The following PIMREG variants were observed in gnomAD, a reference collection of about 807,000 sequenced individuals.
PIMREG encodes the protein PICALM interacting mitotic regulator, also known as protein PIMREG.
PIMREG carries 19 observed loss-of-function variants against 24.3 expected under a neutral mutation model. The ratio of observed to expected loss-of-function variants is 0.78; its 90% CI spans 0.54 to 1.15. The LOEUF (loss-of-function observed/expected upper bound fraction) is 1.15, where lower values mean the gene tolerates loss of function less well. PIMREG is among the 50% of genes most tolerant of loss of function. The pLI is 0.00. For synonymous variants in PIMREG, 112 were observed against 124.1 expected (o/e 0.90, Z 0.65); for missense variants, 283 against 306.8 (o/e 0.92, Z 0.58).
intron 2 of PIMREG, among the ~76,000 whole-genome samples, 157 bp downstream of exon 2, chr17:6,445,561 C>T (rs187379285): frequency 3.9e-5 from 6 of 152,276 alleles, no homozygotes; most frequent in Admixed American, 2.6e-4. Context: ...GTTCCTGGCA[C>T]ATATAGGTGC....
intron 3 of PIMREG, among the ~76,000 whole-genome samples, chr17:6,448,301 A>AAAAAAAAAAAAAAAG (rs1259419657): frequency 8.0e-5 from 12 of 149,214 alleles, no homozygotes; most frequent in South Asian, 2.1e-4. Flanking sequence ...AAAAAAAAAA[A>AAAAAAAAAAAAAAAG]AGAGAGAGAG....
chr17:6,447,383 T>C lies in PIMREG; in HGVS notation c.295-80T>C, dbSNP rs1913618822. 7 of 1,487,928 alleles carry C rather than the reference T, an allele frequency of 4.7e-6. No individual in the cohort carries two copies. In the Admixed American group the frequency reaches 1.3e-4, roughly 28 times the overall value. The allele number at this position is 1,487,928 out of a possible 1,614,324, so 92.2% of individuals were successfully genotyped here. On this transcript the variant is annotated intron_variant, in intron 2 of 5. Transcript: ENST00000572447. ...TGCCTGCCTCGGCCTCCCAAAGTAC[T>C]GGGATTATAGGCGTGAGCCACCGCG...
In PIMREG at chr17:6,448,910, T is replaced by C. The variant is rs76983599; in HGVS notation, c.591-402T>C. ...AAAAATACTCTCCACATCTGTATTC[T>C]GACCCGGTTCCGCGTCCAGAGCCAG... On this transcript the variant is annotated intron_variant, in intron 3 of 5. Coordinates refer to ENST00000572447, the MANE Select transcript of PIMREG (RefSeq NM_019013.3). 3.9e-4 allele frequency among the ~76,000 whole-genome samples: 60 copies of C among 152,370 alleles called. No individual in the cohort carries two copies. The East Asian group carries it at 0.01, about 25-fold the overall frequency.
rs1913823393 is a variant in PIMREG at position 6,451,349 on chromosome 17, T to C, written c.*1002T>C. 6.6e-6 allele frequency: 1 copy of C among 152,246 alleles called. No individual in the cohort carries two copies. Among genetic ancestry groups the C allele is most frequent in the African/African-American group, 2.4e-5 (1 of 41,458 alleles). The allele number at this position is 152,246 out of a possible 1,614,324, so 9.4% of individuals were successfully genotyped here. On this transcript the variant is annotated 3_prime_UTR_variant, in exon 6 of 6. Coordinates refer to ENST00000572447, the MANE Select transcript of PIMREG (RefSeq NM_019013.3). ...CAAAATCAAGACCCAGTTGTAAAAA[T>C]CTTTTAACTCCATAATGCTGTTTTT... is the stretch of plus-strand genomic sequence containing the variant.
intron 5 of PIMREG, 40 bp from the exon 6 acceptor site, chr17:6,450,322 C>T: frequency 6.6e-7 from 1 of 1,520,230 alleles, no homozygotes; most frequent in Non-Finnish European, 8.8e-7. Context: ...CCTACTTCTC[C>T]TACCTTGAGC....
chr17:6,447,260 C>T (rs190946761), intron 2 of PIMREG: 193 of 535,028 alleles, frequency 3.6e-4, no homozygotes, highest in African/African-American at 2.9e-3. Context: ...TACAGGCACC[C>T]GCCACCGCGC....
At chr17:6,449,523 C>A (rs1913726537) in intron 4 of PIMREG, 116 bp downstream of exon 4, 3 of 1,078,496 alleles carry the variant, frequency 2.8e-6, no homozygotes, top group Admixed American at 3.0e-5. Flanking sequence ...CAGTCTCTGC[C>A]CCTCTCTGGG....
At chr17:6,449,993 C>T (rs190956859) in intron 4 of PIMREG, 35 bp from the exon 5 acceptor site, 1 of 1,610,584 alleles carries the variant, frequency 6.2e-7, no homozygotes, top group South Asian at 1.1e-5. Context: ...GAGCCCACCA[C>T]ACCCAGTGGC....
chr17:6,445,224 C>T lies in PIMREG; in HGVS notation c.114C>T (p.Thr38=), dbSNP rs1361919327. The change falls in exon 2 of 6, where the codon ACC becomes ACT. Residue 38 remains threonine (T), a synonymous_variant. Transcript: ENST00000572447. ...ELQPVVSHQE[T]SVGALGSLCR... ...AGCCTGTGGTCAGCCATCAGGAGAC[C>T]TCTGTAGGGGCCCTGGGGTCCCTGT... 1.9e-6 allele frequency: 3 copies of T among 1,613,794 alleles called. No individual in the cohort carries two copies.
rs537887233 is a variant in PIMREG at position 6,450,431 on chromosome 17, G to GA, written c.*90dup. 6.2e-5 allele frequency: 97 copies of GA among 1,567,558 alleles called. 1 individual carries two copies. In the South Asian group the frequency reaches 1.0e-3, roughly 16 times the overall value. ...TCTATGCTTCCCCGTGAGCTTCCTG[G>GA]AAAAAACCCCCGGGAGTCGTCAGTA... On this transcript the variant is annotated 3_prime_UTR_variant, in exon 6 of 6. Coordinates refer to ENST00000572447, the MANE Select transcript of PIMREG (RefSeq NM_019013.3).
Position 6,444,531 on chromosome 17 carries a change from C to T in PIMREG, c.-36+43C>T. 1 of 154,734 alleles carries T rather than the reference C, an allele frequency of 6.5e-6. No homozygotes were observed. The highest frequency in any genetic ancestry group is 1.4e-5 in the Non-Finnish European group (1 of 69,840). The allele number at this position is 154,734 out of a possible 1,614,324, so 9.6% of individuals were successfully genotyped here. ...ACAAGTTTCGCCCTTGTTGCCCAGG[C>T]TGGAGTGCAATGGCGCGATCTGGAC... On this transcript the variant is annotated intron_variant, in intron 1 of 5. Transcript: ENST00000572447. The surrounding 1 kb of genome is among the most constrained non-coding windows in gnomAD (Gnocchi z 4.3).
At chr17:6,450,152 C>T in intron 5 of PIMREG, 80 bp downstream of exon 5, 3 of 1,455,826 alleles carry the variant, frequency 2.1e-6, no homozygotes, top group Non-Finnish European at 2.9e-6. Flanking sequence ...AAAAAGCCCA[C>T]AGAGCTGATG....
Position 6,445,379 on chromosome 17 carries a change from A to G in PIMREG, c.269A>G (p.Lys90Arg). Residue 90 changes from lysine (K) to arginine (R), a missense_variant, in exon 2 of 6, where the codon AAG becomes AGG. Coordinates refer to ENST00000572447, the MANE Select transcript of PIMREG (RefSeq NM_019013.3). The part of the protein sequence containing the change: ...QGLQAAARSA[K>R]SALGAVSQRI... Reference sequence around the variant, plus strand: ...CTCCAGGCTGCAGCTCGCTCAGCTAAGAGTGCTTTGGGTGCCGTGTCCCAG... The same window carrying G: ...CTCCAGGCTGCAGCTCGCTCAGCTAGGAGTGCTTTGGGTGCCGTGTCCCAG... The G allele has an allele frequency of 6.2e-7, 1 of 1,613,134 alleles. No homozygotes were observed. Among genetic ancestry groups the G allele is most frequent in the Non-Finnish European group, 8.5e-7 (1 of 1,179,362 alleles).
Position 6,444,989 on chromosome 17 carries a change from C to G in PIMREG, c.-35-87C>G. The stretch of plus-strand genomic sequence containing the variant: ...CCCCCGCCACCCCGCTGCATCCCGT[C>G]TCTTCCCCTGTGTCCAGGGTCTCTG... On this transcript the variant is annotated intron_variant, in intron 1 of 5. Coordinates refer to ENST00000572447, the MANE Select transcript of PIMREG (RefSeq NM_019013.3). The surrounding 1 kb of genome is among the most constrained non-coding windows in gnomAD (Gnocchi z 4.3). 4 of 1,118,882 alleles carry G rather than the reference C, an allele frequency of 3.6e-6. No homozygotes were observed. Among genetic ancestry groups the G allele is most frequent in the Non-Finnish European group, 4.8e-6 (4 of 825,746 alleles). The allele number at this position is 1,118,882 out of a possible 1,614,324, so 69.3% of individuals were successfully genotyped here.
intron 2 of PIMREG, 76 bp downstream of exon 2, chr17:6,445,480 C>G: frequency 6.8e-7 from 1 of 1,464,388 alleles, no homozygotes; most frequent in Non-Finnish European, 9.2e-7. Context: ...CTCAAAGAGC[C>G]TCAAGAATAT....
rs1214955895 is a variant in PIMREG, at chr17:6,449,417, C to T, written c.686+10C>T. 3 of 1,609,670 alleles carry T rather than the reference C, an allele frequency of 1.9e-6. No homozygotes were observed. Among genetic ancestry groups the T allele is most frequent in the Non-Finnish European group, 1.7e-6 (2 of 1,177,860 alleles). ...TTATGGCGGAAGAGAGGTGAGTTGG[C>T]ATCCCATGCTTCAAAGTGAAGGGGC... On this transcript the variant is annotated intron_variant, in intron 4 of 5. Transcript: ENST00000572447.
chr17:6,448,010 G>A (rs149198296), intron 3 of PIMREG, among the ~76,000 whole-genome samples: 4 of 152,276 alleles, frequency 2.6e-5, no homozygotes, highest in African/African-American at 4.8e-5. Context: ...CAGGCTGGGC[G>A]CAGTGGCTCA....
Position 6,447,538 on chromosome 17 carries a change from G to A in PIMREG, c.370G>A (p.Gly124Arg), listed in dbSNP as rs1266509856. Residue 124 changes from glycine (G) to arginine (R), a missense_variant, in exon 3 of 6, where the codon GGA becomes AGA. By Grantham distance (125) the Gly-to-Arg change is moderately radical. Coordinates refer to ENST00000572447, the MANE Select transcript of PIMREG (RefSeq NM_019013.3). ...TQVKARRRKR[G>R]AQKGSGSPTH... ...GGTGAAGGCCAGGAGGCGGAAGAGA[G>A]GAGCACAGAAGGGCAGTGGATCCCC... is the stretch of plus-strand genomic sequence containing the variant. The A allele has an allele frequency of 2.5e-6, 4 of 1,614,090 alleles. No individual in the cohort carries two copies. In the African/African-American group the frequency reaches 4.0e-5, roughly 16 times the overall value.
intron 5 of PIMREG, 55 bp downstream of exon 5, chr17:6,450,127 A>G: frequency 6.4e-7 from 1 of 1,574,298 alleles, no homozygotes; most frequent in Non-Finnish European, 8.7e-7. Context: ...CATCTCATGC[A>G]TGAGCAAGTT....
Sources: gnomAD v4.1 joint callset for allele counts (sites outside exome capture counted in the v4.1 genomes callset) on GRCh38, gnomAD v4.1.1 for gene constraint, Gnocchi (gnomAD v3.1) non-coding constraint, MANE v1.5 for transcripts, NCBI Gene and HGNC (gene_info 2026-07-23, HGNC 2026-07-21) for gene names.